WWOX: variants seen among roughly 807,000 people sequenced by gnomAD.
WWOX encodes WW domain containing oxidoreductase.
WWOX carries 69 observed loss-of-function variants against 46.2 expected under a neutral mutation model. The observed-to-expected ratio is 1.49, with a 90% CI of 1.23 to 1.82. The LOEUF is 1.82. Ranked by LOEUF, WWOX falls within the 40% of genes most tolerant of loss-of-function variation. WWOX has a pLI of 0.00. For synonymous variants in WWOX, 359 were observed against 202.6 expected (o/e 1.77, Z -6.56); for missense variants, 919 against 542.6 (o/e 1.69, Z -6.89).
chr16:78,778,335 G>T (rs562068147), intron 8 of WWOX, among the ~76,000 whole-genome samples: 1 of 152,286 alleles, frequency 6.6e-6, no homozygotes, highest in South Asian at 2.1e-4. Flanking sequence ...TGGAAGGCAG[G>T]TTTCACGTAA....
At chr16:78,731,467 A>C (rs1369463654) in intron 8 of WWOX, among the ~76,000 whole-genome samples, 1 of 152,166 alleles carries the variant, frequency 6.6e-6, no homozygotes, top group African/African-American at 2.4e-5. Context: ...ACTTGTTACA[A>C]AGAGAAGGAA....
intron 8 of WWOX, among the ~76,000 whole-genome samples, chr16:78,980,780 G>A (rs1420778203): frequency 6.6e-6 from 1 of 152,110 alleles, no homozygotes; most frequent in African/African-American, 2.4e-5. Flanking sequence ...ATTTTGCAGG[G>A]CTTATTTTCA....
At chr16:78,857,499 C>A (rs2052594102) in intron 8 of WWOX, among the ~76,000 whole-genome samples, 1 of 152,142 alleles carries the variant, frequency 6.6e-6, no homozygotes, top group African/African-American at 2.4e-5. Context: ...AAGCAATTTT[C>A]TGATAAACTT....
At chr16:78,585,481 G>A (rs1196960208) in intron 8 of WWOX, among the ~76,000 whole-genome samples, 14 of 152,068 alleles carry the variant, frequency 9.2e-5, no homozygotes, top group Non-Finnish European at 2.9e-5. Flanking sequence ...AACTTTCACT[G>A]GCCAAAGTAC....
intron 8 of WWOX, among the ~76,000 whole-genome samples, chr16:78,910,077 C>G (rs1240029518): frequency 6.6e-6 from 1 of 152,298 alleles, no homozygotes. Context: ...TTATTATTAT[C>G]ATTTTTCATG....
intron 8 of WWOX, among the ~76,000 whole-genome samples, chr16:78,952,402 G>A (rs1274837280): frequency 7.1e-6 from 1 of 140,624 alleles, no homozygotes. Context: ...TTTTTTTTGA[G>A]ACAAAAGTCT....
At chr16:78,285,457 A>T (rs1238565393) in intron 5 of WWOX, among the ~76,000 whole-genome samples, 2 of 151,858 alleles carry the variant, frequency 1.3e-5, no homozygotes, top group Non-Finnish European at 2.9e-5. Context: ...TAAAAAAAAA[A>T]TTAAGTTAGA....
intron 8 of WWOX, chr16:79,196,237 A>G (rs1007851492): frequency 6.6e-6 from 1 of 152,256 alleles, no homozygotes; most frequent in Non-Finnish European, 1.5e-5. Context: ...ATTGTATATT[A>G]CATGTATACA....
chr16:79,071,090 G>C lies in WWOX; in HGVS notation c.1057-140518G>C, dbSNP rs531083872. On this transcript the variant is annotated intron_variant, in intron 8 of 8. Transcript: ENST00000566780. ...CAAAGCACTGACCTTCTCTTTTTATGATTCCCATTTATTCCATAGACTGTG... is the reference window on the plus strand; with the variant it reads ...CAAAGCACTGACCTTCTCTTTTTATCATTCCCATTTATTCCATAGACTGTG... 2.0e-5 allele frequency among the ~76,000 whole-genome samples: 3 copies of C among 152,278 alleles called. No homozygotes were observed. The South Asian group carries it at 6.2e-4, about 32-fold the overall frequency.
intron 8 of WWOX, among the ~76,000 whole-genome samples, chr16:78,659,556 T>C (rs571599941): frequency 6.6e-6 from 1 of 152,164 alleles, no homozygotes; most frequent in African/African-American, 2.4e-5. Context: ...AAAAAACCTT[T>C]CGAGACATCA....
intron 8 of WWOX, among the ~76,000 whole-genome samples, chr16:79,134,306 C>T (rs753148976): frequency 1.3e-5 from 2 of 151,946 alleles, no homozygotes; most frequent in South Asian, 2.1e-4. Context: ...AAGGATTCAC[C>T]AAGACAGTTG....
intron 8 of WWOX, among the ~76,000 whole-genome samples, chr16:79,130,178 C>G (rs1000060057): frequency 2.0e-5 from 3 of 152,176 alleles, no homozygotes; most frequent in Non-Finnish European, 4.4e-5. Context: ...GTTGGGATTT[C>G]AAACCCAGAG....
intron 8 of WWOX, among the ~76,000 whole-genome samples, chr16:78,865,693 A>C (rs1367626815): frequency 2.0e-5 from 3 of 152,194 alleles, no homozygotes; most frequent in African/African-American, 7.2e-5. Flanking sequence ...CAGCCTGGCC[A>C]ACATGGTGAA....
intron 8 of WWOX, among the ~76,000 whole-genome samples, chr16:79,095,301 C>G (rs1000593682): frequency 1.3e-5 from 2 of 152,190 alleles, no homozygotes; most frequent in African/African-American, 4.8e-5. Flanking sequence ...ATAGCTGTTC[C>G]TTCAAGGAGC....
chr16:78,396,808 T>C (rs1032939499), intron 6 of WWOX, among the ~76,000 whole-genome samples: 6 of 152,250 alleles, frequency 3.9e-5, no homozygotes, highest in Non-Finnish European at 8.8e-5. Context: ...CATGAGACTA[T>C]TGTAATATAA....
intron 8 of WWOX, among the ~76,000 whole-genome samples, chr16:79,013,773 A>C (rs545244420): frequency 8.5e-5 from 13 of 152,118 alleles, no homozygotes; most frequent in Admixed American, 1.3e-4. Context: ...TTATTGTCTC[A>C]TTTCTTCTTA....
chr16:78,927,753 G>T (rs1036942717), intron 8 of WWOX, among the ~76,000 whole-genome samples: 4 of 152,206 alleles, frequency 2.6e-5, no homozygotes, highest in African/African-American at 9.6e-5. Context: ...TTTTAGTTTC[G>T]TTTCATTGCT....
intron 8 of WWOX, among the ~76,000 whole-genome samples, chr16:78,595,663 G>T (rs1244830493): frequency 6.6e-6 from 1 of 152,190 alleles, no homozygotes; most frequent in Admixed American, 6.5e-5. Flanking sequence ...GCCATACTCA[G>T]AGTGGCCCTA....
chr16:78,912,157 G>C (rs993146125), intron 8 of WWOX, among the ~76,000 whole-genome samples: 4 of 151,948 alleles, frequency 2.6e-5, no homozygotes, highest in African/African-American at 9.7e-5. Context: ...TGCCATTACA[G>C]GTTGCTGCTT....
Sources: gnomAD v4.1 joint callset for allele counts (sites outside exome capture counted in the v4.1 genomes callset) on GRCh38, gnomAD v4.1.1 for gene constraint, MANE v1.5 for transcripts, NCBI Gene and HGNC (gene_info 2026-07-23, HGNC 2026-07-21) for gene names.